RABGAP1L: variants seen among roughly 807,000 people sequenced by gnomAD.
RABGAP1L encodes rab GTPase-activating protein 1-like.
Under a neutral mutation model 137.7 loss-of-function variants are expected in RABGAP1L, and 63 were observed. That is an observed-to-expected ratio of 0.46 (90% CI 0.37 to 0.56). The LOEUF is 0.56. RABGAP1L is among the 20% of genes least tolerant of loss of function. RABGAP1L has a pLI of 0.00. For missense variants in RABGAP1L, 1,095 were observed against 1,244.0 expected (o/e 0.88, Z 1.80); for synonymous variants, 431 against 433.7 (o/e 0.99, Z 0.08).
Position 174,448,308 on chromosome 1 carries a change from A to T in RABGAP1L, c.1710+54163A>T. ...AATCTAACAGTTATCTTTGTCTTTC[A>T]TTGTGCTCCACTGTTACATCATTAT... On this transcript the variant is annotated intron_variant, in intron 13 of 25. Transcript: ENST00000681986. The surrounding 1 kb of genome is among the most constrained non-coding windows in gnomAD (Gnocchi z 4.2). The T allele has an allele frequency of 6.2e-7, 1 of 1,613,164 alleles. No homozygotes were observed. The highest frequency in any genetic ancestry group is 1.1e-5 in the South Asian group (1 of 91,068).
At chr1:174,337,851 C>A (rs1681618310) in intron 11 of RABGAP1L, among the ~76,000 whole-genome samples, 1 of 152,008 alleles carries the variant, frequency 6.6e-6, no homozygotes, top group Admixed American at 6.6e-5. Context: ...TGTGTACCTG[C>A]TATATTTTTA....
chr1:174,390,032 G>A (rs563982013), intron 12 of RABGAP1L, among the ~76,000 whole-genome samples: 24 of 152,218 alleles, frequency 1.6e-4, no homozygotes, highest in African/African-American at 5.5e-4. Flanking sequence ...TGAAAGCAAT[G>A]ATTATTTTTA....
At chr1:174,360,632 G>A (rs1374640546) in intron 11 of RABGAP1L, among the ~76,000 whole-genome samples, 1 of 152,104 alleles carries the variant, frequency 6.6e-6, no homozygotes, top group East Asian at 1.9e-4. Flanking sequence ...ATATTTTGGT[G>A]CATTTGGCAT....
chr1:174,518,673 T>A (rs527440126), intron 13 of RABGAP1L, among the ~76,000 whole-genome samples: 25 of 152,338 alleles, frequency 1.6e-4, no homozygotes, highest in African/African-American at 5.1e-4. Context: ...TTGTGTTCTA[T>A]ATGAATGGCA....
At chr1:174,443,555 C>G (rs1654394304) in intron 13 of RABGAP1L, among the ~76,000 whole-genome samples, 1 of 151,734 alleles carries the variant, frequency 6.6e-6, no homozygotes, top group Non-Finnish European at 1.5e-5. Flanking sequence ...CTTTTGCTGA[C>G]TTTTTAATAG....
intron 19 of RABGAP1L, among the ~76,000 whole-genome samples, chr1:174,823,520 G>T (rs1486827820): frequency 6.6e-6 from 1 of 152,132 alleles, no homozygotes; most frequent in Non-Finnish European, 1.5e-5. Context: ...ACATTCCTCT[G>T]AACCCTTGTT....
intron 13 of RABGAP1L, among the ~76,000 whole-genome samples, chr1:174,614,596 C>G (rs1006255537): frequency 6.6e-6 from 1 of 152,112 alleles, no homozygotes; most frequent in South Asian, 2.1e-4. Context: ...GTGGCATTCT[C>G]TGTATTTCCT....
chr1:174,223,264 TAAAAAAAAAAAAAAAA>T (rs550034492), intron 3 of RABGAP1L, among the ~76,000 whole-genome samples: 12 of 39,900 alleles, frequency 3.0e-4, no homozygotes, highest in Admixed American at 2.1e-3. Context: ...AGACTCTGTC[TAAAAAAAAAAAAAAAA>T]AAAAAAAAAA....
At chr1:174,943,885 T>A (rs1666306340) in intron 19 of RABGAP1L, among the ~76,000 whole-genome samples, 1 of 152,204 alleles carries the variant, frequency 6.6e-6, no homozygotes, top group African/African-American at 2.4e-5. Context: ...GGGGATAGAC[T>A]GTGCCTTTGT....
intron 18 of RABGAP1L, among the ~76,000 whole-genome samples, chr1:174,806,255 A>G (rs535908000): frequency 6.6e-6 from 1 of 152,320 alleles, no homozygotes; most frequent in African/African-American, 2.4e-5. Context: ...GTATTCATAC[A>G]ATTATAAACT....
intron 12 of RABGAP1L, among the ~76,000 whole-genome samples, chr1:174,385,537 G>A (rs961005235): frequency 3.3e-5 from 5 of 152,178 alleles, no homozygotes; most frequent in African/African-American, 1.2e-4. Context: ...AAATGGGCGA[G>A]ATTACTTACG....
At chr1:174,252,693 A>C in intron 7 of RABGAP1L, 103 bp downstream of exon 7, 3 of 1,457,464 alleles carry the variant, frequency 2.1e-6, no homozygotes, top group Non-Finnish European at 2.7e-6. Flanking sequence ...CATTTTCTCC[A>C]ATTAAAAATG....
In RABGAP1L at chr1:174,910,520, T is replaced by C. The variant is rs565744046; in HGVS notation, c.2341-46937T>C. 2.0e-5 allele frequency among the ~76,000 whole-genome samples: 3 copies of C among 152,226 alleles called. No individual in the cohort carries two copies. The East Asian group carries it at 5.8e-4, about 29-fold the overall frequency. The stretch of plus-strand genomic sequence containing the variant: ...AGAACAAGACAAGGATGCCCACTTA[T>C]ACCACTTTTTTTCAACGTAACAGTG... On this transcript the variant is annotated intron_variant, in intron 19 of 25. Coordinates refer to ENST00000681986, the MANE Select transcript of RABGAP1L (RefSeq NM_001366446.1).
chr1:174,605,982 T>C (rs557172776), intron 13 of RABGAP1L, among the ~76,000 whole-genome samples: 1 of 152,344 alleles, frequency 6.6e-6, no homozygotes, highest in Admixed American at 6.5e-5. Flanking sequence ...GCTTCAATTT[T>C]GGTGGAATTA....
intron 11 of RABGAP1L, among the ~76,000 whole-genome samples, chr1:174,347,512 A>C (rs1682555234): frequency 6.8e-6 from 1 of 147,804 alleles, no homozygotes; most frequent in African/African-American, 2.5e-5. Flanking sequence ...TTTTTCTTTG[A>C]GACTGAGTCT....
intron 19 of RABGAP1L, among the ~76,000 whole-genome samples, chr1:174,839,063 G>A (rs1163241265): frequency 6.8e-6 from 1 of 146,776 alleles, no homozygotes; most frequent in African/African-American, 2.5e-5. Flanking sequence ...GTGTTGGTAG[G>A]GGTGGGGGTA....
At chr1:174,922,843 T>C (rs1392646496) in intron 19 of RABGAP1L, among the ~76,000 whole-genome samples, 1 of 152,176 alleles carries the variant, frequency 6.6e-6, no homozygotes, top group Non-Finnish European at 1.5e-5. Flanking sequence ...CTTAATCTTG[T>C]TGAACCTTGA....
At chr1:174,856,439 T>A (rs988567738) in intron 19 of RABGAP1L, among the ~76,000 whole-genome samples, 2 of 151,156 alleles carry the variant, frequency 1.3e-5, no homozygotes, top group Non-Finnish European at 2.9e-5. Flanking sequence ...TAAGACAACT[T>A]GTGCTCTTAT....
At chr1:174,565,486 TTTC>T (rs2148031501) in intron 13 of RABGAP1L, among the ~76,000 whole-genome samples, 2 of 152,282 alleles carry the variant, frequency 1.3e-5, no homozygotes, top group East Asian at 1.9e-4. Flanking sequence ...GACTAGTTAC[TTTC>T]TTCTTCATTT....
Sources: gnomAD v4.1 joint callset for allele counts (sites outside exome capture counted in the v4.1 genomes callset) on GRCh38, gnomAD v4.1.1 for gene constraint, Gnocchi (gnomAD v3.1) non-coding constraint, MANE v1.5 for transcripts, NCBI Gene and HGNC (gene_info 2026-07-23, HGNC 2026-07-21) for gene names.